The following CDH9 variants were observed in gnomAD, a reference collection of about 807,000 sequenced individuals.
CDH9 encodes cadherin-9.
A neutral mutation model predicts 70.9 loss-of-function variants in CDH9; 28 were observed. The observed-to-expected ratio is 0.40, with a 90% CI of 0.29 to 0.54. CDH9 has a LOEUF of 0.54. Among genes scored for constraint, CDH9 ranks in the 20% least tolerant of loss-of-function variants. The pLI, the probability that CDH9 is intolerant of heterozygous loss-of-function variation, is 0.59. For missense variants in CDH9, 874 were observed against 984.4 expected (o/e 0.89, Z 1.50); for synonymous variants, 409 against 343.1 (o/e 1.19, Z -2.12).
intron 1 of CDH9, among the ~76,000 whole-genome samples, chr5:27,020,217 A>G (rs1743113478): frequency 2.6e-5 from 4 of 151,806 alleles, no homozygotes; most frequent in African/African-American, 9.7e-5. Context: ...TTAATTTAAA[A>G]AAACAATTAT....
intron 2 of CDH9, among the ~76,000 whole-genome samples, chr5:26,960,305 A>G (rs1742012986): frequency 6.6e-6 from 1 of 152,006 alleles, no homozygotes; most frequent in South Asian, 2.1e-4. Flanking sequence ...AAAAATTATG[A>G]ATTAAATGCG....
intron 1 of CDH9, among the ~76,000 whole-genome samples, chr5:26,988,824 C>A (rs1041956111): frequency 6.6e-6 from 1 of 151,930 alleles, no homozygotes; most frequent in African/African-American, 2.4e-5. Flanking sequence ...TTTTAGTAAA[C>A]TGTTTTTCTC....
chr5:26,946,664 C>A (rs1741759087), intron 2 of CDH9, among the ~76,000 whole-genome samples: 1 of 152,252 alleles, frequency 6.6e-6, no homozygotes, highest in Non-Finnish European at 1.5e-5. Context: ...AAATCTTATT[C>A]TCTAGCAGTT....
intron 2 of CDH9, among the ~76,000 whole-genome samples, chr5:26,953,529 T>G (rs1319634526): frequency 1.3e-5 from 2 of 152,176 alleles, no homozygotes; most frequent in African/African-American, 2.4e-5. Context: ...CAACCACATC[T>G]CTATCCTGAC....
chr5:26,905,705 T>A (rs1168898075), intron 5 of CDH9, among the ~76,000 whole-genome samples: 1 of 152,094 alleles, frequency 6.6e-6, no homozygotes, highest in African/African-American at 2.4e-5. Context: ...GTTAGAGAAG[T>A]TAATTTAAAA....
chr5:27,027,421 A>G (rs1184471890), intron 1 of CDH9, among the ~76,000 whole-genome samples: 1 of 152,008 alleles, frequency 6.6e-6, no homozygotes, highest in Non-Finnish European at 1.5e-5. Context: ...CTTTACCCAG[A>G]TATAAAGAAC....
chr5:26,893,394 A>G (rs1023428995), intron 7 of CDH9, among the ~76,000 whole-genome samples: 1 of 152,200 alleles, frequency 6.6e-6, no homozygotes, highest in Non-Finnish European at 1.5e-5. Flanking sequence ...CTCCCAGTAC[A>G]TGGAACCAGT....
chr5:26,959,543 T>C (rs768504174), intron 2 of CDH9, among the ~76,000 whole-genome samples: 1 of 152,140 alleles, frequency 6.6e-6, no homozygotes, highest in Non-Finnish European at 1.5e-5. Context: ...TTCACACGAA[T>C]ACTTGTATGT....
intron 3 of CDH9, 31 bp from the exon 4 acceptor site, chr5:26,906,869 C>T (rs1418211469): frequency 1.3e-6 from 2 of 1,554,000 alleles, no homozygotes; most frequent in African/African-American, 2.7e-5. Context: ...CAAACAGAGA[C>T]ATTTACATAC....
At chr5:27,037,120 G>GCT (rs1246798959) in intron 1 of CDH9, among the ~76,000 whole-genome samples, 2 of 151,902 alleles carry the variant, frequency 1.3e-5, no homozygotes, top group African/African-American at 4.8e-5. Context: ...TGAGAATCTT[G>GCT]AATAATCAAA....
rs191770144 is a variant in CDH9 at position 26,995,961 on chromosome 5, C to T, written c.-49-7579G>A. ...TTCCTTTGCTCTCTTAATTATATTC[C>T]AATTATATTTGAGAAAAATGTCTGC... On this transcript the variant is annotated intron_variant, in intron 1 of 11. Transcript: ENST00000231021. Among the ~76,000 whole-genome samples the T allele has an allele frequency of 3.3e-3, 507 of 151,754 alleles. 1 individual carries two copies. Among genetic ancestry groups the T allele is most frequent in the Non-Finnish European group, 5.6e-3 (382 of 67,824 alleles).
intron 1 of CDH9, among the ~76,000 whole-genome samples, chr5:27,001,844 A>ACACTCTCTCTCTCTCTCTCT (rs1312157550): frequency 1.3e-4 from 19 of 142,054 alleles, no homozygotes; most frequent in African/African-American, 5.2e-4. Context: ...ACACACACAC[A>ACACTCTCTCTCTCTCTCTCT]CTCTCTCTCT....
chr5:26,885,372 T>C (rs1160743307), intron 11 of CDH9, among the ~76,000 whole-genome samples: 1 of 152,186 alleles, frequency 6.6e-6, no homozygotes, highest in Non-Finnish European at 1.5e-5. Context: ...CTATAAAGTA[T>C]ATATTTTTAA....
At chr5:27,003,764 A>G (rs1032757644) in intron 1 of CDH9, among the ~76,000 whole-genome samples, 4 of 152,080 alleles carry the variant, frequency 2.6e-5, no homozygotes, top group Non-Finnish European at 4.4e-5. Flanking sequence ...ATAAGAAGAC[A>G]TCACTGCTAA....
At position 26,890,532 on chromosome 5, in the gene CDH9, C is replaced by A. The variant is rs780978039; in HGVS notation, c.1286G>T (p.Arg429Leu). 2 of 1,604,856 alleles carry A rather than the reference C, an allele frequency of 1.2e-6. No homozygotes were observed. The highest frequency in any genetic ancestry group is 1.7e-6 in the Non-Finnish European group (2 of 1,171,700). ...YSVDRHTDMD[R>L]IFGIHSENGS... ...ATTTTCTGAGTGAATACCAAAAATA[C>A]GGTCCATATCAGTATGCCGATCAAC... The change falls in exon 8 of 12, where the codon CGT becomes CTT. Residue 429 changes from arginine (R) to leucine (L), a missense_variant. Coordinates refer to ENST00000231021, the MANE Select transcript of CDH9 (RefSeq NM_016279.4).
chr5:26,975,250 T>C (rs1212200355), intron 2 of CDH9, among the ~76,000 whole-genome samples: 1 of 152,072 alleles, frequency 6.6e-6, no homozygotes, highest in African/African-American at 2.4e-5. Context: ...GACTAGAAAA[T>C]ATTTACATAC....
At chr5:26,932,363 C>T (rs1398625718) in intron 2 of CDH9, among the ~76,000 whole-genome samples, 1 of 151,356 alleles carries the variant, frequency 6.6e-6, no homozygotes, top group Non-Finnish European at 1.5e-5. Flanking sequence ...GTATGCAAAG[C>T]AGCAAATATT....
At chr5:26,966,039 C>A (rs957333382) in intron 2 of CDH9, among the ~76,000 whole-genome samples, 1 of 152,130 alleles carries the variant, frequency 6.6e-6, no homozygotes, top group Non-Finnish European at 1.5e-5. Flanking sequence ...AACCTAAGCT[C>A]CCTTTCTGAA....
At position 26,915,767 on chromosome 5, in the gene CDH9, T is replaced by G; in HGVS notation, c.386A>C (p.Lys129Thr). The G allele has an allele frequency of 6.2e-7, 1 of 1,613,700 alleles. No individual in the cohort carries two copies. The highest frequency in any genetic ancestry group is 8.5e-7 in the Non-Finnish European group (1 of 1,179,648). ...CCGCCCAGTTTTTCTGTCTATAGCCTTGGCACGAAGAATGTACAGAGATTT... is the reference window on the plus strand; with the variant it reads ...CCGCCCAGTTTTTCTGTCTATAGCCGTGGCACGAAGAATGTACAGAGATTT... ...EEKSLYILRA[K>T]AIDRKTGRQV... The change falls in exon 3 of 12, where the codon AAG becomes ACG. Residue 129 changes from lysine to threonine, a missense_variant. Lys to Thr is a moderately conservative substitution (Grantham distance 78). Transcript: ENST00000231021.
Sources: allele counts gnomAD v4.1 joint callset (sites outside exome capture counted in the v4.1 genomes callset), GRCh38; gene constraint gnomAD v4.1.1; transcripts MANE v1.5; gene names NCBI Gene and HGNC (gene_info 2026-07-23, HGNC 2026-07-21).